Variants in RNF216 observed in about 807,000 individuals in gnomAD.
The protein encoded by RNF216 is ring finger protein 216, also known as E3 ubiquitin-protein ligase RNF216.
In RNF216, 72 loss-of-function variants were observed where a neutral mutation model predicts 110.8. The observed-to-expected ratio is 0.65, with a 90% CI of 0.54 to 0.79. The LOEUF (loss-of-function observed/expected upper bound fraction) is 0.79, where lower values mean the gene tolerates loss of function less well. RNF216 is among the 30% of genes least tolerant of loss of function. The probability of loss-of-function intolerance (pLI) is 0.00; values close to 1 mark genes in which losing one functional copy is unlikely to be tolerated. For synonymous variants in RNF216, 495 were observed against 407.5 expected (o/e 1.21, Z -2.59); for missense variants, 1,342 against 1,141.2 (o/e 1.18, Z -2.54).
intron 5 of RNF216, among the ~76,000 whole-genome samples, chr7:5,737,095 G>T (rs530650328): frequency 6.6e-6 from 1 of 152,348 alleles, no homozygotes; most frequent in East Asian, 1.9e-4. Flanking sequence ...GGGAAATGTG[G>T]GGAAAAGATA....
intron 9 of RNF216, among the ~76,000 whole-genome samples, chr7:5,718,024 T>C (rs940370088): frequency 5.9e-5 from 9 of 152,144 alleles, no homozygotes; most frequent in African/African-American, 2.4e-5. Flanking sequence ...ATACGTATAC[T>C]TATTTGCTTT....
intron 13 of RNF216, among the ~76,000 whole-genome samples, chr7:5,677,921 C>G (rs1283295123): frequency 6.6e-6 from 1 of 152,176 alleles, no homozygotes; most frequent in Non-Finnish European, 1.5e-5. Context: ...ATACACAGCC[C>G]CAGCCCTGTT....
chr7:5,761,961 G>T (rs1238406816), intron 1 of RNF216, among the ~76,000 whole-genome samples: 1 of 152,098 alleles, frequency 6.6e-6, no homozygotes, highest in Non-Finnish European at 1.5e-5. Flanking sequence ...CTGTGACTTA[G>T]CAATTCCACT....
chr7:5,659,483 G>T (rs1035125339), intron 13 of RNF216, among the ~76,000 whole-genome samples: 1 of 152,146 alleles, frequency 6.6e-6, no homozygotes, highest in African/African-American at 2.4e-5. Flanking sequence ...AGCCCAGTGG[G>T]GGAGAGTGGA....
At chr7:5,746,679 C>G (rs189559130) in intron 3 of RNF216, among the ~76,000 whole-genome samples, 22 of 152,284 alleles carry the variant, frequency 1.4e-4, no homozygotes, top group African/African-American at 5.1e-4. Context: ...AACAGCATCC[C>G]TAATTTCTAA....
chr7:5,747,686 G>A (rs1795097325), intron 3 of RNF216, among the ~76,000 whole-genome samples: 2 of 127,182 alleles, frequency 1.6e-5, no homozygotes, highest in African/African-American at 2.9e-5. Context: ...GGACGTGCAT[G>A]TTGCAGTGAG....
intron 13 of RNF216, among the ~76,000 whole-genome samples, chr7:5,673,074 T>A (rs953424500): frequency 5.9e-5 from 9 of 152,048 alleles, no homozygotes; most frequent in African/African-American, 1.5e-4. Flanking sequence ...GGTGGGGGCC[T>A]ATGTGCACGG....
chr7:5,644,495 T>C (rs1011707590), intron 14 of RNF216, among the ~76,000 whole-genome samples: 2 of 151,964 alleles, frequency 1.3e-5, no homozygotes, highest in African/African-American at 2.4e-5. Flanking sequence ...GAAATATCAA[T>C]TGATATTGTT....
In RNF216 at chr7:5,680,967, C is replaced by T. The variant is rs1325279531; in HGVS notation, c.2062-28457G>A. Among the ~76,000 whole-genome samples the T allele has an allele frequency of 2.6e-5, 4 of 152,174 alleles. No individual in the cohort carries two copies. Among genetic ancestry groups the T allele is most frequent in the Non-Finnish European group, 4.4e-5 (3 of 68,028 alleles). On this transcript the variant is annotated intron_variant, in intron 13 of 16. Coordinates refer to ENST00000389902, the MANE Select transcript of RNF216 (RefSeq NM_207111.4). The surrounding 1 kb of genome is among the most constrained non-coding windows in gnomAD (Gnocchi z 4.3). ...TAGATCCCCTCTGGCTGGGCCATGG[C>T]GGAGAGCCTGGACTTCAGGCCATCC...
intron 1 of RNF216, among the ~76,000 whole-genome samples, chr7:5,776,888 G>C (rs1257398473): frequency 9.1e-6 from 1 of 109,988 alleles, no homozygotes; most frequent in Admixed American, 1.3e-4. Flanking sequence ...GCGACAGAGG[G>C]AGACTCTGTC....
intron 13 of RNF216, among the ~76,000 whole-genome samples, chr7:5,690,327 C>CA (rs200036930): frequency 0.13 from 12,753 of 100,104 alleles, 835 homozygotes; most frequent in African/African-American, 0.21. Context: ...AATTCCATCT[C>CA]AAAAAAAAAA....
chr7:5,779,414 C>T (rs1796952116), intron 1 of RNF216, among the ~76,000 whole-genome samples: 1 of 152,114 alleles, frequency 6.6e-6, no homozygotes, highest in Admixed American at 6.6e-5. Flanking sequence ...TCCCCACACC[C>T]CAGGCGCAAT....
Position 5,776,949 on chromosome 7 carries a change from AAAG to A in RNF216, c.-70+4589_-70+4591del, listed in dbSNP as rs1311258712. ...GAGAAAAAGAGAGAGAGAGAGAAAA[AAAG>A]AAAGAAAGAAAGAAAAAGAAAGTGA... On this transcript the variant is annotated intron_variant, in intron 1 of 16. Coordinates refer to ENST00000389902, the MANE Select transcript of RNF216 (RefSeq NM_207111.4). Among the ~76,000 whole-genome samples the A allele has an allele frequency of 2.3e-4, 12 of 51,944 alleles. No homozygotes were observed. The East Asian group carries it at 0.019, about 81-fold the overall frequency. 34.1% of individuals were successfully genotyped at this position (51,944 alleles called of 152,430 possible).
intron 2 of RNF216, chr7:5,760,522 G>GAAAA: frequency 4.4e-6 from 1 of 226,228 alleles, no homozygotes. Flanking sequence ...CTCAAAAAAA[G>GAAAA]AAAAAAAAAA....
rs1413749943 is a variant in RNF216 at position 5,712,818 on chromosome 7, T to C, written c.1879A>G (p.Thr627Ala). 5.6e-6 allele frequency: 9 copies of C among 1,614,020 alleles called. No homozygotes were observed. Among genetic ancestry groups the C allele is most frequent in the Non-Finnish European group, 6.8e-6 (8 of 1,179,990 alleles). Residue 627 changes from threonine to alanine, a missense_variant, in exon 12 of 17, where the codon ACC becomes GCC. Transcript: ENST00000389902. ...MEGSCTCSFP[T>A]SELEKVLPQT... ...GGGAGCACCTTCTCCAGCTCACTGG[T>C]TGGGAACGAACACGTGCAGCTGCCT...
At chr7:5,746,573 G>T (rs1341957244) in intron 3 of RNF216, among the ~76,000 whole-genome samples, 1 of 152,128 alleles carries the variant, frequency 6.6e-6, no homozygotes, top group African/African-American at 2.4e-5. Flanking sequence ...CAGGTGTCTT[G>T]ACTGAGTCAG....
Position 5,715,096 on chromosome 7 carries a change from C to T in RNF216, c.1790G>A (p.Cys597Tyr). Residue 597 changes from cysteine to tyrosine, a missense_variant, in exon 11 of 17, where the codon TGT becomes TAT. Coordinates refer to ENST00000389902, the MANE Select transcript of RNF216 (RefSeq NM_207111.4). ...CADAHLFCKE[C>Y]LIRYAQEAVF... Reference sequence around the variant, plus strand: ...TGCCTCTTGGGCATATCTGATGAGACACTCTTTGCAGAACAAGTGAGCATC... The same window carrying T: ...TGCCTCTTGGGCATATCTGATGAGATACTCTTTGCAGAACAAGTGAGCATC... The T allele has an allele frequency of 6.2e-7, 1 of 1,613,958 alleles. No individual in the cohort carries two copies. Among genetic ancestry groups the T allele is most frequent in the Non-Finnish European group, 8.5e-7 (1 of 1,179,992 alleles).
chr7:5,729,473 C>A lies in RNF216; in HGVS notation c.1348G>T (p.Ala450Ser). 3 of 1,614,098 alleles carry A rather than the reference C, an allele frequency of 1.9e-6. No homozygotes were observed. The highest frequency in any genetic ancestry group is 2.5e-6 in the Non-Finnish European group (3 of 1,180,002). Residue 450 changes from alanine (A) to serine (S), a missense_variant, in exon 7 of 17, where the codon GCC becomes TCC. Ala to Ser is a moderately conservative substitution (Grantham distance 99, BLOSUM62 1). Coordinates refer to ENST00000389902, the MANE Select transcript of RNF216 (RefSeq NM_207111.4). ...KVLSSQDIKWALHELKGHYAI... is the reference protein window; with the variant it reads ...KVLSSQDIKWSLHELKGHYAI... ...TAGTGTCCTTTGAGCTCGTGCAGGGCCCACTTGATGTCCTGACTACTGAGC... is the reference window on the plus strand; with the variant it reads ...TAGTGTCCTTTGAGCTCGTGCAGGGACCACTTGATGTCCTGACTACTGAGC...
intron 13 of RNF216, among the ~76,000 whole-genome samples, chr7:5,693,413 C>T (rs1356192704): frequency 1.3e-5 from 2 of 152,180 alleles, no homozygotes; most frequent in South Asian, 2.1e-4. Context: ...CTCCACTGTA[C>T]TGAGGTACCA....
Sources: allele counts gnomAD v4.1 joint callset (sites outside exome capture counted in the v4.1 genomes callset), GRCh38; gene constraint gnomAD v4.1.1; non-coding constraint Gnocchi (gnomAD v3.1); transcripts MANE v1.5; gene names NCBI Gene and HGNC (gene_info 2026-07-23, HGNC 2026-07-21).